The following ASH1L variants were observed in gnomAD, a reference collection of about 807,000 sequenced individuals.
The protein encoded by ASH1L is histone-lysine N-methyltransferase ASH1L.
ASH1L carries 23 observed loss-of-function variants against 269.0 expected under a neutral mutation model. The ratio of observed to expected loss-of-function variants is 0.09; its 90% CI spans 0.06 to 0.12. ASH1L has a LOEUF of 0.12. Among genes scored for constraint, ASH1L ranks in the 10% least tolerant of loss-of-function variants. The pLI is 1.00. For missense variants in ASH1L, 2,912 were observed against 3,567.8 expected (o/e 0.82, Z 4.68); for synonymous variants, 1,187 against 1,253.5 (o/e 0.95, Z 1.12).
chr1:155,449,521 TG>T (rs1300731134), intron 4 of ASH1L, among the ~76,000 whole-genome samples: 1,800 of 150,820 alleles, frequency 0.012, 16 homozygotes, highest in Non-Finnish European at 0.018. Context: ...AAAATGTGGT[TG>T]TTTTTTTTTT....
At chr1:155,470,864 A>G (rs1665044771) in intron 3 of ASH1L, among the ~76,000 whole-genome samples, 1 of 152,180 alleles carries the variant, frequency 6.6e-6, no homozygotes, top group Admixed American at 6.5e-5. Flanking sequence ...TAGGCACAAA[A>G]TAACTGTTTG....
intron 12 of ASH1L, chr1:155,370,189 C>T: frequency 2.9e-6 from 1 of 347,804 alleles, no homozygotes; most frequent in South Asian, 3.3e-5. Flanking sequence ...CAGGTGTGTA[C>T]CACCACCCTG....
In ASH1L at chr1:155,465,109, A is replaced by G. The variant is rs147823566; in HGVS notation, c.4985-5211T>C. Among the ~76,000 whole-genome samples, 80 of 152,232 alleles carry G rather than the reference A, an allele frequency of 5.3e-4. No homozygotes were observed. The East Asian group carries it at 0.013, about 24-fold the overall frequency. ...TACTTTTACAGATGCCTGGGTGTGA[A>G]GACAGTAAAACAGGCAAAGATAGCA... On this transcript the variant is annotated intron_variant, in intron 3 of 27. Transcript: ENST00000392403.
intron 6 of ASH1L, among the ~76,000 whole-genome samples, chr1:155,412,279 G>A (rs1374974417): frequency 1.3e-5 from 2 of 151,328 alleles, no homozygotes; most frequent in East Asian, 1.9e-4. Context: ...TGTGGTGACA[G>A]GTGCCTGTAA....
intron 5 of ASH1L, among the ~76,000 whole-genome samples, chr1:155,437,682 A>G (rs977735150): frequency 6.6e-6 from 1 of 152,168 alleles, no homozygotes; most frequent in Non-Finnish European, 1.5e-5. Flanking sequence ...GCATGGAAAC[A>G]CCCCAGGTAT....
Position 155,480,745 on chromosome 1 carries a change from A to G in ASH1L, c.2125T>C (p.Leu709=). 6.2e-7 allele frequency: 1 copy of G among 1,613,692 alleles called. No individual in the cohort carries two copies. Among genetic ancestry groups the G allele is most frequent in the Non-Finnish European group, 8.5e-7 (1 of 1,179,962 alleles). Residue 709 remains leucine (L), a synonymous_variant, in exon 3 of 28, where the codon TTA becomes CTA. Coordinates refer to ENST00000392403, the MANE Select transcript of ASH1L (RefSeq NM_018489.3). ...GGTTTTCTTCCTTTTCTTTTTTTTA[A>G]TGGTTTGGACTGCAAACTAGTACTT... ...SLSTSLQSKP[L]KKRKGRKPRW...
chr1:155,513,295 C>G (rs193300184), intron 2 of ASH1L, among the ~76,000 whole-genome samples: 2 of 151,964 alleles, frequency 1.3e-5, no homozygotes, highest in South Asian at 2.1e-4. Context: ...CAGCCAGGCA[C>G]AGTGGCTCAC....
intron 3 of ASH1L, among the ~76,000 whole-genome samples, chr1:155,469,543 T>C (rs1024510814): frequency 2.0e-5 from 3 of 152,218 alleles, no homozygotes; most frequent in Non-Finnish European, 2.9e-5. Context: ...ACCATAAATA[T>C]TGTCATTCCT....
At chr1:155,390,786 C>T (rs1038231036) in intron 7 of ASH1L, among the ~76,000 whole-genome samples, 6 of 151,888 alleles carry the variant, frequency 4.0e-5, no homozygotes, top group Non-Finnish European at 5.9e-5. Flanking sequence ...GCTGGGACTA[C>T]GTGCGCCCGC....
At chr1:155,341,496 C>T (rs772139198) in intron 25 of ASH1L, among the ~76,000 whole-genome samples, 53 of 151,932 alleles carry the variant, frequency 3.5e-4, no homozygotes, top group South Asian at 8.3e-4. Flanking sequence ...ATATAATGAT[C>T]GTGTCTTCCA....
chr1:155,494,507 C>A (rs1267258720), intron 2 of ASH1L, among the ~76,000 whole-genome samples: 3 of 152,060 alleles, frequency 2.0e-5, no homozygotes, highest in African/African-American at 7.2e-5. Flanking sequence ...ACACAAAAAA[C>A]TTTTAAAGAT....
intron 6 of ASH1L, among the ~76,000 whole-genome samples, chr1:155,410,884 G>A (rs1002630792): frequency 4.6e-5 from 7 of 151,784 alleles, no homozygotes; most frequent in Non-Finnish European, 7.4e-5. Flanking sequence ...GGGATTACAG[G>A]CGTGAGCAAT....
rs375072249 is a variant in ASH1L, at chr1:155,438,595, G to A, written c.5560C>T (p.Arg1854Trp). Residue 1854 changes from arginine to tryptophan, a missense_variant, in exon 5 of 28, where the codon CGG (arginine) becomes TGG (tryptophan). Transcript: ENST00000392403. ...ACGACAGCCTGAAGGGGACATTTCCGAGGTCGACCTGGCCTACGTTTCACA... is the reference window on the plus strand; with the variant it reads ...ACGACAGCCTGAAGGGGACATTTCCAAGGTCGACCTGGCCTACGTTTCACA... ...NFVKRRPGRP[R>W]KCPLQAVVSM... The A allele has an allele frequency of 6.4e-5, 104 of 1,614,022 alleles. No individual in the cohort carries two copies. The highest frequency in any genetic ancestry group is 8.7e-5 in the Non-Finnish European group (103 of 1,180,036).
At chr1:155,515,833 A>T (rs1450321739) in intron 2 of ASH1L, among the ~76,000 whole-genome samples, 1 of 99,000 alleles carries the variant, frequency 1.0e-5, no homozygotes, top group East Asian at 2.4e-4. Context: ...ACTCTGCCTT[A>T]AAAAAAAAAA....
chr1:155,414,433 C>T (rs1383027258), intron 6 of ASH1L, among the ~76,000 whole-genome samples: 1 of 152,122 alleles, frequency 6.6e-6, no homozygotes. Context: ...CCTCAGCCTC[C>T]CAAGTAGCTG....
chr1:155,365,996 G>A lies in ASH1L; in HGVS notation c.6686+4508C>T, dbSNP rs549301144. On this transcript the variant is annotated intron_variant, in intron 12 of 27. Transcript: ENST00000392403. ...AAGGGAGGGGGAAAATGTCAGAAGC[G>A]TTTAAACCAGAGCGACTCCATCTTG... Among the ~76,000 whole-genome samples, 4 of 151,426 alleles carry A rather than the reference G, an allele frequency of 2.6e-5. No homozygotes were observed. The South Asian group carries it at 8.6e-4, about 33-fold the overall frequency.
At chr1:155,462,828 T>G (rs540366455) in intron 3 of ASH1L, among the ~76,000 whole-genome samples, 1 of 152,234 alleles carries the variant, frequency 6.6e-6, no homozygotes, top group Non-Finnish European at 1.5e-5. Flanking sequence ...AAGAATCAAG[T>G]TGTATCCTTG....
At chr1:155,445,803 G>T (rs768159616) in intron 4 of ASH1L, among the ~76,000 whole-genome samples, 2 of 152,084 alleles carry the variant, frequency 1.3e-5, no homozygotes, top group African/African-American at 2.4e-5. Flanking sequence ...TTCTCAAAAA[G>T]ACTTTGTATT....
chr1:155,348,000 C>A, intron 19 of ASH1L, 96 bp from the exon 20 acceptor site: 1 of 1,510,616 alleles, frequency 6.6e-7, no homozygotes, highest in Non-Finnish European at 9.0e-7. Context: ...TTTCTTTACC[C>A]TCCCATTTTG....
Sources: allele counts gnomAD v4.1 joint callset (sites outside exome capture counted in the v4.1 genomes callset), GRCh38; gene constraint gnomAD v4.1.1; transcripts MANE v1.5; gene names NCBI Gene and HGNC (gene_info 2026-07-23, HGNC 2026-07-21).